The following WWC1 variants were observed in gnomAD, a reference collection of about 807,000 sequenced individuals.
WWC1 encodes protein KIBRA.
In WWC1, 55 loss-of-function variants were observed where a neutral mutation model predicts 138.4. The observed-to-expected ratio is 0.40, with a 90% CI of 0.32 to 0.50. WWC1 has a LOEUF of 0.50. Among genes scored for constraint, WWC1 ranks in the 20% least tolerant of loss-of-function variants. WWC1 has a pLI of 0.72. For synonymous variants in WWC1, 524 were observed against 564.9 expected (o/e 0.93, Z 1.03); for missense variants, 1,226 against 1,420.4 (o/e 0.86, Z 2.20).
chr5:168,414,039 C>A, intron 8 of WWC1: 1 of 318,754 alleles, frequency 3.1e-6, no homozygotes, highest in Non-Finnish European at 5.8e-6. Context: ...TGCCCAAGGC[C>A]ACACAGCCAG....
intron 1 of WWC1, among the ~76,000 whole-genome samples, chr5:168,298,372 T>G (rs1484109856): frequency 6.6e-6 from 1 of 152,142 alleles, no homozygotes; most frequent in Non-Finnish European, 1.5e-5. Context: ...TTATAACCAG[T>G]CTGCCAGGGA....
chr5:168,468,035 G>A, intron 22 of WWC1, 71 bp downstream of exon 22: 1 of 1,595,262 alleles, frequency 6.3e-7, no homozygotes, highest in Non-Finnish European at 8.6e-7. Context: ...TCTGTCTGTG[G>A]TCTTACTGCT....
intron 1 of WWC1, among the ~76,000 whole-genome samples, chr5:168,361,068 G>A (rs1447515725): frequency 6.6e-6 from 1 of 152,220 alleles, no homozygotes; most frequent in Admixed American, 6.5e-5. Context: ...GCCAGGTGCT[G>A]TGTTGAGTCT....
At chr5:168,383,704 A>G (rs913211636) in intron 2 of WWC1, among the ~76,000 whole-genome samples, 2 of 152,318 alleles carry the variant, frequency 1.3e-5, no homozygotes, top group South Asian at 2.1e-4. Flanking sequence ...CATTTTTTAC[A>G]TACCAGTAAT....
chr5:168,330,558 T>C (rs1160487608), intron 1 of WWC1, among the ~76,000 whole-genome samples: 2 of 152,190 alleles, frequency 1.3e-5, no homozygotes, highest in Non-Finnish European at 2.9e-5. Context: ...CCACCATGTA[T>C]GCATGGAATG....
intron 1 of WWC1, among the ~76,000 whole-genome samples, chr5:168,309,284 T>A (rs1770850500): frequency 6.6e-6 from 1 of 152,210 alleles, no homozygotes; most frequent in Non-Finnish European, 1.5e-5. Context: ...GGGTACCTAC[T>A]GGACATTTCT....
chr5:168,318,597 T>TTGCCCAGGCTGGAGTTCAA (rs1771801879), intron 1 of WWC1, among the ~76,000 whole-genome samples: 1 of 151,534 alleles, frequency 6.6e-6, no homozygotes, highest in Admixed American at 6.6e-5. Flanking sequence ...TTCGCTCTTG[T>TTGCCCAGGCTGGAGTTCAA]TGCCCAGGCT....
In WWC1 at chr5:168,427,993, T is replaced by C. The variant is rs144450789; in HGVS notation, c.1811-40T>C. 8.7e-4 allele frequency: 1,373 copies of C among 1,586,842 alleles called. 10 individuals carry two copies. In the African/African-American group the frequency reaches 0.015, roughly 18 times the overall value. ...AAAATTGGGAGTCGCAAAGGCAGTT[T>C]CCTGGTTCCTGAACCTGCCTTTCCA... On this transcript the variant is annotated intron_variant, in intron 11 of 22. Transcript: ENST00000265293.
intron 3 of WWC1, among the ~76,000 whole-genome samples, chr5:168,394,220 C>T (rs1237834841): frequency 1.3e-5 from 2 of 152,096 alleles, no homozygotes; most frequent in Non-Finnish European, 2.9e-5. Flanking sequence ...TATAACTAGA[C>T]ACATAGAGGT....
At chr5:168,359,726 A>G (rs1775742090) in intron 1 of WWC1, among the ~76,000 whole-genome samples, 1 of 152,260 alleles carries the variant, frequency 6.6e-6, no homozygotes, top group Middle Eastern at 3.4e-3. Flanking sequence ...GTATGTGTAA[A>G]AAACCCACAA....
Position 168,379,208 on chromosome 5 carries a change from A to G in WWC1, c.230-6003A>G, listed in dbSNP as rs76703907. On this transcript the variant is annotated intron_variant, in intron 2 of 22. Coordinates refer to ENST00000265293, the MANE Select transcript of WWC1 (RefSeq NM_015238.3). ...TGCACTGAATTATTAAGCTATATCT[A>G]TGTATACTTTTAATTAAAACAAGAA... 5.2e-4 allele frequency among the ~76,000 whole-genome samples: 79 copies of G among 152,298 alleles called. No individual in the cohort carries two copies. In the East Asian group the frequency reaches 0.013, roughly 25 times the overall value.
Position 168,291,980 on chromosome 5 carries a change from A to G in WWC1, c.-173A>G, listed in dbSNP as rs1769085128. ...CGCCGGGTCGGGGCTGCAGGGCCGC[A>G]TGGACAGCGGCGCCACCCCGGCCGG... On this transcript the variant is annotated 5_prime_UTR_variant, in exon 1 of 23. The change abolishes an upstream ATG in the 5' untranslated region. Coordinates refer to ENST00000265293, the MANE Select transcript of WWC1 (RefSeq NM_015238.3). The G allele has an allele frequency of 1.4e-5, 9 of 637,638 alleles. No homozygotes were observed. Among genetic ancestry groups the G allele is most frequent in the Middle Eastern group, 4.9e-4 (1 of 2,054 alleles). The allele number at this position is 637,638 out of a possible 1,614,324, so 39.5% of individuals were successfully genotyped here. A position where few individuals can be genotyped will look rare whatever the true frequency, so the allele number is the denominator to read the frequency against.
chr5:168,323,609 A>G (rs1772304935), intron 1 of WWC1, among the ~76,000 whole-genome samples: 1 of 152,174 alleles, frequency 6.6e-6, no homozygotes. Context: ...TGGAAAAAAA[A>G]AGTCAGGACT....
intron 17 of WWC1, among the ~76,000 whole-genome samples, 184 bp from the exon 18 acceptor site, chr5:168,453,784 A>T (rs1242783022): frequency 6.6e-6 from 1 of 152,122 alleles, no homozygotes; most frequent in Non-Finnish European, 1.5e-5. Flanking sequence ...GAACTCAGGC[A>T]GTCTGCCTGC....
chr5:168,437,414 T>G (rs1476145663), intron 15 of WWC1, among the ~76,000 whole-genome samples: 1 of 152,224 alleles, frequency 6.6e-6, no homozygotes, highest in Non-Finnish European at 1.5e-5. Flanking sequence ...TTGGCAACTA[T>G]TTCTCTTTCT....
At chr5:168,332,197 A>C (rs1268137318) in intron 1 of WWC1, among the ~76,000 whole-genome samples, 1 of 152,122 alleles carries the variant, frequency 6.6e-6, no homozygotes, top group Non-Finnish European at 1.5e-5. Context: ...GTAGCACAAA[A>C]GAATGACACT....
chr5:168,396,112 G>A (rs1037988292), intron 3 of WWC1, among the ~76,000 whole-genome samples: 6 of 151,642 alleles, frequency 4.0e-5, no homozygotes, highest in African/African-American at 7.3e-5. Flanking sequence ...AGCCAGGTGC[G>A]GTGGCTCACG....
intron 11 of WWC1, among the ~76,000 whole-genome samples, chr5:168,426,619 G>A (rs1781523068): frequency 6.6e-6 from 1 of 152,224 alleles, no homozygotes; most frequent in Non-Finnish European, 1.5e-5. Context: ...AGTGGAGGGT[G>A]GAGATGCGTG....
rs190173187 is a variant in WWC1 at position 168,469,220 on chromosome 5, A to C, written c.*203A>C. On this transcript the variant is annotated 3_prime_UTR_variant, in exon 23 of 23. Coordinates refer to ENST00000265293, the MANE Select transcript of WWC1 (RefSeq NM_015238.3). ...CAAAAACAAAACACACACACACACAAAAACAGAAACAAAAAAAACCAGCAT... is the reference window on the plus strand; with the variant it reads ...CAAAAACAAAACACACACACACACACAAACAGAAACAAAAAAAACCAGCAT... The C allele has an allele frequency of 3.4e-4, 186 of 553,976 alleles. No homozygotes were observed. The East Asian group carries it at 4.6e-3, about 14-fold the overall frequency. 34.3% of individuals were successfully genotyped at this position (553,976 alleles called of 1,614,324 possible). A position where few individuals can be genotyped will look rare whatever the true frequency, so the allele number is the denominator to read the frequency against.
Sources: gnomAD v4.1 joint callset for allele counts (sites outside exome capture counted in the v4.1 genomes callset) on GRCh38, gnomAD v4.1.1 for gene constraint, MANE v1.5 for transcripts, NCBI Gene and HGNC (gene_info 2026-07-23, HGNC 2026-07-21) for gene names.